MOV10L1: variants seen among roughly 807,000 people sequenced by gnomAD.
MOV10L1 encodes RNA helicase Mov10l1.
MOV10L1 carries 110 observed loss-of-function variants against 143.8 expected under a neutral mutation model. The observed-to-expected ratio is 0.76, with a 90% CI of 0.66 to 0.90. MOV10L1 has a LOEUF of 0.90. Among genes scored for constraint, MOV10L1 ranks in the 40% least tolerant of loss-of-function variants. The pLI, the probability that MOV10L1 is intolerant of heterozygous loss-of-function variation, is 0.00. For synonymous variants in MOV10L1, 593 were observed against 581.1 expected, an observed-to-expected ratio of 1.02 and a Z score of -0.29; for missense variants, 1,406 against 1,526.8, an observed-to-expected ratio of 0.92 and a Z score of 1.32.
At chr22:50,135,949 C>T (rs2062813118) in intron 15 of MOV10L1, among the ~76,000 whole-genome samples, 1 of 151,982 alleles carries the variant, frequency 6.6e-6, no homozygotes, top group Non-Finnish European at 1.5e-5. Flanking sequence ...TTGTGCTATT[C>T]AAATTTGGTT....
chr22:50,092,206 G>T, intron 2 of MOV10L1, 21 bp downstream of exon 2: 1 of 1,602,968 alleles, frequency 6.2e-7, no homozygotes, highest in African/African-American at 1.3e-5. Flanking sequence ...AGTTCATTTG[G>T]GAACAGTTTT....
rs2061922800 is a variant in MOV10L1, at chr22:50,108,123, C to T, written c.443-13C>T. On this transcript the variant is annotated splice_polypyrimidine_tract_variant and intron_variant, in intron 3 of 26. Transcript: ENST00000262794. ...CTTTAACACTACCATGGCTTTTTTC[C>T]TGGCGGTTTTAGGCTTCGAGCCCTG... 6.2e-7 allele frequency: 1 copy of T among 1,610,280 alleles called. No individual in the cohort carries two copies. Among genetic ancestry groups the T allele is most frequent in the Admixed American group, 1.7e-5 (1 of 59,412 alleles).
chr22:50,094,370 C>G (rs912499274), intron 2 of MOV10L1: 1 of 148,472 alleles, frequency 6.7e-6, no homozygotes, highest in Non-Finnish European at 1.5e-5. Context: ...TCAAATTAAT[C>G]TTTTTCTTCC....
intron 1 of MOV10L1, chr22:50,090,418 C>T (rs546507444): frequency 3.2e-5 from 51 of 1,584,516 alleles, no homozygotes; most frequent in Non-Finnish European, 4.0e-5. Context: ...TGACACCAGC[C>T]CCTCTTCCCG....
At chr22:50,155,001 T>C (rs2063389829) in intron 22 of MOV10L1, among the ~76,000 whole-genome samples, 1 of 152,178 alleles carries the variant, frequency 6.6e-6, no homozygotes, top group South Asian at 2.1e-4. Flanking sequence ...ATCAGCCCAG[T>C]CTATAGTGAT....
Position 50,115,113 on chromosome 22 carries a change from G to C in MOV10L1, c.1127-1G>C. 6.4e-7 allele frequency: 1 copy of C among 1,565,128 alleles called. No homozygotes were observed. The highest frequency in any genetic ancestry group is 8.6e-7 in the Non-Finnish European group (1 of 1,164,898). ...TTTTGTATTAAAATTTTATTTCCCAGGTGATTGTACCTGTAAAGGAGAAAA... is the reference window on the plus strand; with the variant it reads ...TTTTGTATTAAAATTTTATTTCCCACGTGATTGTACCTGTAAAGGAGAAAA... On this transcript the variant is annotated splice_acceptor_variant, in intron 7 of 26. Coordinates refer to ENST00000262794, the MANE Select transcript of MOV10L1 (RefSeq NM_018995.3). LOFTEE classifies it high-confidence loss of function.
At chr22:50,160,335 C>T (rs571864613) in intron 24 of MOV10L1, among the ~76,000 whole-genome samples, 4 of 151,702 alleles carry the variant, frequency 2.6e-5, no homozygotes, top group African/African-American at 7.2e-5. Flanking sequence ...CAAGCTCTGC[C>T]TCCCGGGTTC....
intron 25 of MOV10L1, 26 bp from the exon 26 acceptor site, chr22:50,160,938 A>G (rs1274343627): frequency 1.9e-6 from 3 of 1,613,736 alleles, no homozygotes; most frequent in East Asian, 2.2e-5. Context: ...TTGCTCTCAC[A>G]CCAGGCTAAT....
chr22:50,111,912 T>C (rs529547278), intron 5 of MOV10L1, among the ~76,000 whole-genome samples: 1 of 152,326 alleles, frequency 6.6e-6, no homozygotes, highest in East Asian at 1.9e-4. Context: ...AGGTTCTGTT[T>C]GGGGAAAGCG....
chr22:50,130,876 A>T (rs1034499352), intron 13 of MOV10L1, among the ~76,000 whole-genome samples: 4 of 152,120 alleles, frequency 2.6e-5, no homozygotes, highest in African/African-American at 9.7e-5. Flanking sequence ...TTTTCTAATG[A>T]CTAATGATGC....
intron 15 of MOV10L1, among the ~76,000 whole-genome samples, chr22:50,138,312 G>C (rs187366659): frequency 7.9e-5 from 12 of 152,250 alleles, no homozygotes; most frequent in East Asian, 7.7e-4. Flanking sequence ...ACTCGTGCCG[G>C]TAATTCCAGC....
chr22:50,161,114 G>A, intron 26 of MOV10L1, 59 bp downstream of exon 26: 1 of 1,516,454 alleles, frequency 6.6e-7, no homozygotes. Flanking sequence ...GCTCTAGCCT[G>A]CCCTCCCCTG....
rs527880897 is a variant in MOV10L1 at position 50,127,914 on chromosome 22, A to G, written c.1819-502A>G. ...CAGCCTCCCAAGTAGCTGGGATTACAGGTGCCCAGCACCACGCCTGGGTCC... is the reference window on the plus strand; with the variant it reads ...CAGCCTCCCAAGTAGCTGGGATTACGGGTGCCCAGCACCACGCCTGGGTCC... On this transcript the variant is annotated intron_variant, in intron 12 of 26. Transcript: ENST00000262794. Among the ~76,000 whole-genome samples, 205 of 152,204 alleles carry G rather than the reference A, an allele frequency of 1.3e-3. 1 individual carries two copies. Among genetic ancestry groups the G allele is most frequent in the African/African-American group, 4.6e-3 (192 of 41,538 alleles).
intron 22 of MOV10L1, among the ~76,000 whole-genome samples, chr22:50,157,443 T>G (rs1026505381): frequency 2.0e-5 from 3 of 152,136 alleles, no homozygotes; most frequent in Admixed American, 2.0e-4. Context: ...CCTGTTTTCC[T>G]CCAAGAATTT....
rs2063046224 is a variant in MOV10L1 at position 50,143,391 on chromosome 22, A to G, written c.2358+170A>G. On this transcript the variant is annotated intron_variant, in intron 17 of 26. Coordinates refer to ENST00000262794, the MANE Select transcript of MOV10L1 (RefSeq NM_018995.3). Reference sequence around the variant, plus strand: ...TGTTTTTGTGGATATGTAGGGATTTAAAAGCTTATTTCATAGGTTTAGAAG... The same window carrying G: ...TGTTTTTGTGGATATGTAGGGATTTGAAAGCTTATTTCATAGGTTTAGAAG... 6.6e-6 allele frequency: 5 copies of G among 757,246 alleles called. No individual in the cohort carries two copies. In the Admixed American group the frequency reaches 1.1e-4, roughly 17 times the overall value. 46.9% of individuals were successfully genotyped at this position (757,246 alleles called of 1,614,324 possible).
At chr22:50,133,044 A>AC (rs1479749355) in intron 13 of MOV10L1, among the ~76,000 whole-genome samples, 1 of 151,628 alleles carries the variant, frequency 6.6e-6, no homozygotes, top group East Asian at 1.9e-4. Flanking sequence ...GAAAAAAAAA[A>AC]AACCAAAGAC....
chr22:50,108,300 A>C (rs553478244), intron 4 of MOV10L1, 52 bp downstream of exon 4: 1 of 1,512,724 alleles, frequency 6.6e-7, no homozygotes. Flanking sequence ...ACCTGCCATC[A>C]GGGGTAACTT....
At chr22:50,106,401 AGT>A (rs2147092228) in intron 3 of MOV10L1, among the ~76,000 whole-genome samples, 1 of 147,824 alleles carries the variant, frequency 6.8e-6, no homozygotes, top group South Asian at 2.1e-4. Flanking sequence ...CCTGGGCTCA[AGT>A]GATCTTCCCA....
chr22:50,119,577 G>A (rs1230807011), intron 9 of MOV10L1, among the ~76,000 whole-genome samples: 1 of 151,790 alleles, frequency 6.6e-6, no homozygotes, highest in East Asian at 1.9e-4. Flanking sequence ...TCTGTTAGCT[G>A]TTCAGGCTGT....
Sources: gnomAD v4.1 joint callset for allele counts (sites outside exome capture counted in the v4.1 genomes callset) on GRCh38, gnomAD v4.1.1 for gene constraint, MANE v1.5 for transcripts, NCBI Gene and HGNC (gene_info 2026-07-23, HGNC 2026-07-21) for gene names.